The following MORN1 variants were observed in gnomAD, a reference collection of about 807,000 sequenced individuals.
The protein encoded by MORN1 is MORN repeat containing 1.
A neutral mutation model predicts 61.9 loss-of-function variants in MORN1; 67 were observed. The observed-to-expected ratio is 1.08, with a 90% confidence interval of 0.89 to 1.33. MORN1 has a LOEUF of 1.33. MORN1 is among the 40% of genes most tolerant of loss of function. The probability of loss-of-function intolerance (pLI) is 0.00; values close to 1 mark genes in which losing one functional copy is unlikely to be tolerated. For missense variants in MORN1, 752 were observed against 691.2 expected (o/e 1.09, Z -0.99); for synonymous variants, 301 against 292.0 (o/e 1.03, Z -0.31).
Position 2,335,828 on chromosome 1 carries a change from T to TAGCCC in MORN1, c.1250+636_1250+640dup, listed in dbSNP as rs58763089. The stretch of plus-strand genomic sequence containing the variant: ...ATCAGCGGGGGCCTCCTCGCCTCCA[T>TAGCCC]AGCCCAGCCCAGCCCAGCGCGCAGC... On this transcript the variant is annotated intron_variant, in intron 12 of 13. Transcript: ENST00000378531. Among the ~76,000 whole-genome samples the TAGCCC allele has an allele frequency of 2.2e-3, 322 of 143,114 alleles. 22 individuals carry two copies. Among genetic ancestry groups the TAGCCC allele is most frequent in the African/African-American group, 9.3e-3 (305 of 32,930 alleles). 93.9% of individuals were successfully genotyped at this position (143,114 alleles called of 152,430 possible). A position where few individuals can be genotyped will look rare whatever the true frequency, so the allele number is the denominator to read the frequency against.
chr1:2,347,319 G>C (rs898102183), intron 10 of MORN1, among the ~76,000 whole-genome samples: 1 of 152,166 alleles, frequency 6.6e-6, no homozygotes, highest in Non-Finnish European at 1.5e-5. Context: ...TGCCACGAAG[G>C]CTCCATCCCC....
At chr1:2,385,772 A>G (rs750042892) in intron 5 of MORN1, 35 bp downstream of exon 5, 1 of 1,589,868 alleles carries the variant, frequency 6.3e-7, no homozygotes, top group South Asian at 1.1e-5. Flanking sequence ...TGTATCTGTC[A>G]TGCGCCAGGC....
At position 2,357,033 on chromosome 1, in the gene MORN1, G is replaced by A. The variant is rs1006324499; in HGVS notation, c.1036+399C>T. Among the ~76,000 whole-genome samples, 2 of 152,132 alleles carry A rather than the reference G, an allele frequency of 1.3e-5. No homozygotes were observed. Among genetic ancestry groups the A allele is most frequent in the African/African-American group, 4.8e-5 (2 of 41,432 alleles). Reference sequence around the variant, plus strand: ...ACCTCGAGAGAGCAGTCGGCGCCGCGGCCCCCAGAGCCATGGCCGGCGGCT... The same window carrying A: ...ACCTCGAGAGAGCAGTCGGCGCCGCAGCCCCCAGAGCCATGGCCGGCGGCT... On this transcript the variant is annotated intron_variant, in intron 10 of 13. Transcript: ENST00000378531. The surrounding 1 kb of genome is among the most constrained non-coding windows in gnomAD (Gnocchi z 6.3).
At chr1:2,327,006 A>T (rs1641040117) in intron 12 of MORN1, among the ~76,000 whole-genome samples, 1 of 149,488 alleles carries the variant, frequency 6.7e-6, no homozygotes, top group South Asian at 2.1e-4. Flanking sequence ...ACACAGAAAC[A>T]CACAGAAACA....
At chr1:2,345,041 C>T (rs1377693665) in intron 10 of MORN1, among the ~76,000 whole-genome samples, 2 of 151,988 alleles carry the variant, frequency 1.3e-5, no homozygotes, top group Non-Finnish European at 2.9e-5. Flanking sequence ...TCATAGATGA[C>T]CATATGTGCC....
intron 13 of MORN1, chr1:2,322,505 C>T (rs1241548313): frequency 9.1e-6 from 9 of 985,304 alleles, no homozygotes; most frequent in Non-Finnish European, 1.1e-5. Context: ...TGGACAAGAG[C>T]AAGCCTCGGG....
Position 2,336,532 on chromosome 1 carries a change from G to A in MORN1, c.1187C>T (p.Ser396Phe). 2 of 1,612,774 alleles carry A rather than the reference G, an allele frequency of 1.2e-6. No homozygotes were observed. Among genetic ancestry groups the A allele is most frequent in the African/African-American group, 1.3e-5 (1 of 75,040 alleles). ...DSLHKKAGGR[S>F]RGGLHPRGTP... is the part of the protein sequence containing the mutation. The stretch of plus-strand genomic sequence containing the variant: ...CCCCCTGGGGTGCAGGCCGCCTCTG[G>A]ATCTGCCGCCTGCCTTCTAGAAAGA... The change falls in exon 12 of 14, where the codon TCC becomes TTC. Residue 396 changes from serine to phenylalanine, a missense_variant. Ser to Phe is a radical substitution (Grantham distance 155, BLOSUM62 -2). Coordinates refer to ENST00000378531, the MANE Select transcript of MORN1 (RefSeq NM_024848.3).
intron 10 of MORN1, among the ~76,000 whole-genome samples, chr1:2,343,567 C>A (rs968309523): frequency 6.6e-6 from 1 of 152,126 alleles, no homozygotes; most frequent in Non-Finnish European, 1.5e-5. Context: ...GGGCTCCCTG[C>A]GGCTGCTGTC....
chr1:2,360,342 C>G (rs1641867779), intron 8 of MORN1, among the ~76,000 whole-genome samples: 2 of 152,190 alleles, frequency 1.3e-5, no homozygotes, highest in African/African-American at 2.4e-5. Flanking sequence ...CTGGTTCCAA[C>G]AACCAAGAAA....
At chr1:2,369,995 A>G (rs754671435) in intron 8 of MORN1, among the ~76,000 whole-genome samples, 2 of 152,228 alleles carry the variant, frequency 1.3e-5, no homozygotes, top group Non-Finnish European at 2.9e-5. Flanking sequence ...AACTGATCTT[A>G]AAATTTTATA....
chr1:2,325,780 C>G (rs1413655031), intron 12 of MORN1, among the ~76,000 whole-genome samples: 2 of 151,476 alleles, frequency 1.3e-5, no homozygotes, highest in African/African-American at 4.9e-5. Flanking sequence ...TGCCATCATG[C>G]TCAGCTACTT....
At chr1:2,360,178 T>C (rs913080308) in intron 8 of MORN1, among the ~76,000 whole-genome samples, 8 of 152,186 alleles carry the variant, frequency 5.3e-5, no homozygotes, top group South Asian at 2.1e-4. Context: ...CAAGGTCCTA[T>C]GGAGGACAGG....
At chr1:2,366,307 T>A (rs1641994375) in intron 8 of MORN1, among the ~76,000 whole-genome samples, 1 of 114,792 alleles carries the variant, frequency 8.7e-6, no homozygotes, top group Non-Finnish European at 1.7e-5. Flanking sequence ...AAGGGGAACA[T>A]CACACTCTGG....
At chr1:2,332,511 C>T in intron 12 of MORN1, 1 of 428,456 alleles carries the variant, frequency 2.3e-6, no homozygotes, top group Non-Finnish European at 4.7e-6. Context: ...TTGACATCGA[C>T]CCCACGCAGG....
intron 10 of MORN1, among the ~76,000 whole-genome samples, chr1:2,344,288 G>A (rs1641462724): frequency 6.6e-6 from 1 of 152,240 alleles, no homozygotes; most frequent in Admixed American, 6.5e-5. Flanking sequence ...GGATCTGCAG[G>A]GCAGGTTGAG....
At chr1:2,325,188 T>TTCCTTCCC (rs1640995337) in intron 12 of MORN1, among the ~76,000 whole-genome samples, 3 of 105,460 alleles carry the variant, frequency 2.8e-5, no homozygotes, top group African/African-American at 3.8e-5. Flanking sequence ...CTTCCCTTCC[T>TTCCTTCCC]TCACTTCCTT....
chr1:2,342,569 C>T (rs1402192439), intron 10 of MORN1, among the ~76,000 whole-genome samples: 2 of 152,150 alleles, frequency 1.3e-5, no homozygotes, highest in South Asian at 2.1e-4. Context: ...CGGGAACACG[C>T]GGGGGCACAC....
rs540094412 is a variant in MORN1 at position 2,368,029 on chromosome 1, AAAAG to A, written c.745+4448_745+4451del. Among the ~76,000 whole-genome samples the A allele has an allele frequency of 1.4e-3, 220 of 152,378 alleles. 1 individual carries two copies. In the Middle Eastern group the frequency reaches 0.02, roughly 14 times the overall value. ...TATGACATCAAAAGCAACAAAAAGA[AAAAG>A]AGAGAATTGGGTTTCATCGAAACTT... On this transcript the variant is annotated intron_variant, in intron 8 of 13. Coordinates refer to ENST00000378531, the MANE Select transcript of MORN1 (RefSeq NM_024848.3).
At position 2,388,375 on chromosome 1, in the gene MORN1, T is replaced by C. The variant is rs1260432050; in HGVS notation, c.149-38A>G. On this transcript the variant is annotated intron_variant, in intron 2 of 13. Coordinates refer to ENST00000378531, the MANE Select transcript of MORN1 (RefSeq NM_024848.3). ...ATCGTCACGTGAACTCAGACAGTGG[T>C]TGGGTTGACTGCGAATGACACTGTG... 12 of 1,532,576 alleles carry C rather than the reference T, an allele frequency of 7.8e-6. No homozygotes were observed. In the Admixed American group the frequency reaches 1.8e-4, roughly 23 times the overall value. 94.9% of individuals were successfully genotyped at this position (1,532,576 alleles called of 1,614,324 possible).
Sources: gnomAD v4.1 joint callset for allele counts (sites outside exome capture counted in the v4.1 genomes callset) on GRCh38, gnomAD v4.1.1 for gene constraint, Gnocchi (gnomAD v3.1) non-coding constraint, MANE v1.5 for transcripts, NCBI Gene and HGNC (gene_info 2026-07-23, HGNC 2026-07-21) for gene names.